The following DOP1B variants were observed in gnomAD, a reference collection of about 807,000 sequenced individuals.
DOP1B encodes the protein protein DOP1B.
In DOP1B, 174 loss-of-function variants were observed where a neutral mutation model predicts 233.5. That is an observed-to-expected ratio of 0.75 (90% CI 0.66 to 0.85). The LOEUF (loss-of-function observed/expected upper bound fraction) is 0.85. Among genes scored for constraint, DOP1B ranks in the 40% least tolerant of loss-of-function variants. The pLI is 0.00. For synonymous variants in DOP1B, 1,190 were observed against 1,185.6 expected (o/e 1.00, Z -0.08); for missense variants, 2,652 against 2,846.6 (o/e 0.93, Z 1.56).
chr21:36,278,398 G>T, intron 30 of DOP1B, 43 bp downstream of exon 30: 1 of 1,566,906 alleles, frequency 6.4e-7, no homozygotes, highest in Non-Finnish European at 8.6e-7. Flanking sequence ...TGAATCTTCA[G>T]GTGGAAATGG....
intron 14 of DOP1B, among the ~76,000 whole-genome samples, chr21:36,232,076 C>A (rs2284632): frequency 6.6e-6 from 1 of 151,982 alleles, no homozygotes; most frequent in African/African-American, 2.4e-5. Context: ...AATCTTTTGA[C>A]CTCGCGATCC....
intron 2 of DOP1B, among the ~76,000 whole-genome samples, chr21:36,193,538 A>G (rs774313170): frequency 6.6e-6 from 1 of 152,140 alleles, no homozygotes; most frequent in Non-Finnish European, 1.5e-5. Flanking sequence ...ATGAGCTGCC[A>G]CAGGGAGGAA....
chr21:36,261,137 G>A (rs2067165697), intron 24 of DOP1B: 10 of 979,286 alleles, frequency 1.0e-5, no homozygotes, highest in Non-Finnish European at 1.2e-5. Flanking sequence ...GGTGGAGGCA[G>A]GCGGATCACT....
At chr21:36,223,113 G>A (rs531574960) in intron 10 of DOP1B, 118 bp from the exon 11 acceptor site, 484 of 988,884 alleles carry the variant, frequency 4.9e-4, no homozygotes, top group Non-Finnish European at 6.8e-4. Flanking sequence ...TTATCAGGGT[G>A]TGTCAGCTTC....
rs1308225296 is a variant in DOP1B, at chr21:36,214,488, A to C, written c.1061A>C (p.Glu354Ala). The change falls in exon 9 of 37, where the codon GAG becomes GCG. Residue 354 changes from glutamate (E) to alanine (A), a missense_variant. Physicochemically the swap from Glu to Ala is moderately radical, Grantham distance 107. This residue lies in a region of DOP1B where 2,617 missense variants were observed against 2,794.3 expected (regional missense o/e 0.94). Coordinates refer to ENST00000691173, the MANE Select transcript of DOP1B (RefSeq NM_001320714.2). Reference protein sequence around the residue: ...LHQKFIDADVEERHHAYLKPF... With the variant: ...LHQKFIDADVAERHHAYLKPF... ...CAGAAGTTCATAGATGCTGACGTGG[A>C]GGAACGCCATCATGCATACCTGAAG... 6.2e-7 allele frequency: 1 copy of C among 1,613,898 alleles called. No individual in the cohort carries two copies. The highest frequency in any genetic ancestry group is 2.2e-5 in the East Asian group (1 of 44,892).
At chr21:36,158,817 AAG>A (rs1491043810) in intron 1 of DOP1B, among the ~76,000 whole-genome samples, 3 of 135,112 alleles carry the variant, frequency 2.2e-5, no homozygotes, top group East Asian at 2.2e-4. Flanking sequence ...AAAAAAAAAA[AAG>A]AAAAGAAAAA....
rs1311074031 is a variant in DOP1B, at chr21:36,242,831, G to A, written c.3068-2217G>A. ...TTTAAAATACTGCTATGCACTTCAA[G>A]CAGCTCATCAATTTCTGATGTCTGA... On this transcript the variant is annotated intron_variant, in intron 18 of 36. Coordinates refer to ENST00000691173, the MANE Select transcript of DOP1B (RefSeq NM_001320714.2). 3.9e-5 allele frequency among the ~76,000 whole-genome samples: 6 copies of A among 152,110 alleles called. No homozygotes were observed. In the East Asian group the frequency reaches 9.6e-4, roughly 24 times the overall value.
chr21:36,229,819 G>A (rs1228159717), intron 13 of DOP1B, among the ~76,000 whole-genome samples: 1 of 151,630 alleles, frequency 6.6e-6, no homozygotes, highest in East Asian at 1.9e-4. Flanking sequence ...CCACCACCAT[G>A]CCTGGCTAAT....
chr21:36,280,819 C>T (rs944049862), intron 31 of DOP1B, among the ~76,000 whole-genome samples: 6 of 151,670 alleles, frequency 4.0e-5, no homozygotes, highest in Non-Finnish European at 8.8e-5. Flanking sequence ...CTGGCTAACA[C>T]GGTGAAACCC....
intron 36 of DOP1B, among the ~76,000 whole-genome samples, chr21:36,292,836 A>G (rs2146263387): frequency 6.6e-6 from 1 of 151,264 alleles, no homozygotes; most frequent in African/African-American, 2.4e-5. Context: ...CTGGTCTCGA[A>G]CTCCTGACCT....
At position 36,230,765 on chromosome 21, in the gene DOP1B, G is replaced by A. The variant is rs368892066; in HGVS notation, c.1981G>A (p.Gly661Arg). 1.1e-5 allele frequency: 18 copies of A among 1,614,226 alleles called. No homozygotes were observed. The African/African-American group carries it at 2.3e-4, about 20-fold the overall frequency. Residue 661 changes from glycine (G) to arginine (R), a missense_variant, in exon 14 of 37, where the codon GGG becomes AGG. Coordinates refer to ENST00000691173, the MANE Select transcript of DOP1B (RefSeq NM_001320714.2). ...AGAAAGCAAGTCCGAGGAGCCTGCA[G>A]GGAAGAGGGACAGGGATGGGACGCA... ...GEESKSEEPA[G>R]KRDRDGTQSL... is the part of the protein sequence containing the mutation.
At chr21:36,292,283 G>GTT (rs1194192961) in intron 36 of DOP1B, 50 bp downstream of exon 36, 6 of 1,433,460 alleles carry the variant, frequency 4.2e-6, no homozygotes, top group Non-Finnish European at 5.6e-6. Flanking sequence ...GTGAGACAGA[G>GTT]TTTCACTCGG....
chr21:36,229,083 T>G (rs1007850955), intron 13 of DOP1B, among the ~76,000 whole-genome samples: 1 of 152,208 alleles, frequency 6.6e-6, no homozygotes, highest in African/African-American at 2.4e-5. Context: ...GTAACTACAG[T>G]TAATGGGCTA....
intron 2 of DOP1B, among the ~76,000 whole-genome samples, chr21:36,176,087 G>GGTGTGTGTGTGTGTGTGTGT (rs1032491278): frequency 4.1e-5 from 4 of 96,588 alleles, no homozygotes; most frequent in African/African-American, 1.4e-4. Context: ...TCGACTTTGG[G>GGTGTGTGTGTGTGTGTGTGT]GTGTGTGTGC....
chr21:36,291,499 G>T (rs1027897755), intron 35 of DOP1B, among the ~76,000 whole-genome samples: 3 of 152,220 alleles, frequency 2.0e-5, no homozygotes, highest in Non-Finnish European at 2.9e-5. Flanking sequence ...GGTGGAGGTT[G>T]CAGGGAGCCA....
intron 2 of DOP1B, chr21:36,168,939 AC>A (rs2123400619): frequency 3.2e-6 from 2 of 628,092 alleles, no homozygotes; most frequent in South Asian, 3.3e-5. Flanking sequence ...TTTTATTGAG[AC>A]CCCACCAGGT....
chr21:36,212,453 T>G (rs1569024535), intron 7 of DOP1B, among the ~76,000 whole-genome samples: 1 of 152,224 alleles, frequency 6.6e-6, no homozygotes, highest in Non-Finnish European at 1.5e-5. Context: ...TGGAGAAAAC[T>G]TACAAATATT....
chr21:36,287,665 C>T (rs2067501846), intron 32 of DOP1B, among the ~76,000 whole-genome samples: 2 of 142,920 alleles, frequency 1.4e-5, no homozygotes. Flanking sequence ...CGGCCCACTG[C>T]AACCTCTACC....
Position 36,208,397 on chromosome 21 carries a change from C to G in DOP1B, c.492-318C>G, listed in dbSNP as rs149315189. Among the ~76,000 whole-genome samples the G allele has an allele frequency of 6.2e-3, 952 of 152,340 alleles. 4 individuals are homozygous for G. The highest frequency in any genetic ancestry group is 0.02 in the African/African-American group (831 of 41,576). ...GGTGGAACCTCCCTTCCGTGAGCAC[C>G]TAGGCATCCGTGGCACGGCCAGGGT... On this transcript the variant is annotated intron_variant, in intron 4 of 36. Coordinates refer to ENST00000691173, the MANE Select transcript of DOP1B (RefSeq NM_001320714.2).
Sources: gnomAD v4.1 joint callset for allele counts (sites outside exome capture counted in the v4.1 genomes callset) on GRCh38, gnomAD v4.1.1 for gene constraint, gnomAD v4.1.1 regional missense constraint, MANE v1.5 for transcripts, NCBI Gene and HGNC (gene_info 2026-07-23, HGNC 2026-07-21) for gene names.